SIL1: variants seen among roughly 807,000 people sequenced by gnomAD.
SIL1 encodes nucleotide exchange factor SIL1.
A neutral mutation model predicts 49.1 loss-of-function variants in SIL1; 40 were observed. That is an observed-to-expected ratio of 0.81 (90% CI 0.63 to 1.06). The LOEUF is 1.06. Among genes scored for constraint, SIL1 ranks in the 50% least tolerant of loss-of-function variants. The pLI, the probability that SIL1 is intolerant of heterozygous loss-of-function variation, is 0.00. For synonymous variants in SIL1, 253 were observed against 250.8 expected (o/e 1.01, Z -0.08); for missense variants, 500 against 572.6 (o/e 0.87, Z 1.29).
Position 139,171,260 on chromosome 5 carries a change from G to C in SIL1, c.-11+27009C>G, listed in dbSNP as rs931239095. Among the ~76,000 whole-genome samples the C allele has an allele frequency of 3.3e-4, 50 of 152,206 alleles. No individual in the cohort carries two copies. The South Asian group carries it at 8.7e-3, about 27-fold the overall frequency. The stretch of plus-strand genomic sequence containing the variant: ...AATGGCGGTTTTGTGGAATAGAAAG[G>C]GGGGAAAGGTGGGGAAAAGATTGAG... On this transcript the variant is annotated intron_variant, in intron 1 of 9. Transcript: ENST00000394817.
At chr5:139,111,774 A>G (rs1052370167) in intron 3 of SIL1, among the ~76,000 whole-genome samples, 1 of 152,088 alleles carries the variant, frequency 6.6e-6, no homozygotes, top group African/African-American at 2.4e-5. Flanking sequence ...CTCCCAGCAC[A>G]GCTCCTGGTT....
At chr5:138,992,364 C>G (rs1480745532) in intron 7 of SIL1, among the ~76,000 whole-genome samples, 2 of 152,178 alleles carry the variant, frequency 1.3e-5, no homozygotes, top group African/African-American at 4.8e-5. Context: ...TGAAGTGTAA[C>G]CATCCCATAA....
intron 3 of SIL1, among the ~76,000 whole-genome samples, chr5:139,072,671 C>G (rs902932250): frequency 2.6e-5 from 4 of 152,042 alleles, no homozygotes; most frequent in African/African-American, 9.7e-5. Flanking sequence ...TTAGATTTGA[C>G]CCCTAAAAGC....
chr5:139,021,247 C>T lies in SIL1; in HGVS notation c.691G>A (p.Val231Met), dbSNP rs758357497. ...TCTGTGCTGTTCAGCCCATTGATCA[C>T]CACTTGAAGACCACCAAAGGAAAGC... is the stretch of plus-strand genomic sequence containing the variant. ...DLLSFGGLQV[V>M]INGLNSTEPL... The change falls in exon 7 of 10, where the codon GTG (valine) becomes ATG (methionine). Residue 231 changes from valine (V) to methionine (M), a missense_variant. Physicochemically the swap from Val to Met is conservative, Grantham distance 21 (BLOSUM62 1). Transcript: ENST00000394817. The T allele has an allele frequency of 6.2e-7, 1 of 1,614,148 alleles. No individual in the cohort carries two copies. Among genetic ancestry groups the T allele is most frequent in the Non-Finnish European group, 8.5e-7 (1 of 1,180,022 alleles).
At chr5:139,053,710 T>C in intron 3 of SIL1, among the ~76,000 whole-genome samples, 1 of 152,208 alleles carries the variant, frequency 6.6e-6, no homozygotes, top group East Asian at 1.9e-4. Flanking sequence ...TTCCATCTGC[T>C]GTTCCCTTTG....
intron 1 of SIL1, among the ~76,000 whole-genome samples, chr5:139,188,764 A>G (rs568150383): frequency 6.6e-6 from 1 of 152,366 alleles, no homozygotes; most frequent in South Asian, 2.1e-4. Context: ...AGCAAGAGAT[A>G]AGGAGAACAT....
At chr5:138,953,141 G>A (rs944321870) in intron 7 of SIL1, among the ~76,000 whole-genome samples, 30 of 152,264 alleles carry the variant, frequency 2.0e-4, no homozygotes, top group Admixed American at 8.5e-4. Context: ...GCCTCTGGCT[G>A]CCTGCCCTTG....
intron 2 of SIL1, among the ~76,000 whole-genome samples, chr5:139,121,869 T>C (rs993127682): frequency 2.0e-5 from 3 of 152,246 alleles, no homozygotes; most frequent in Non-Finnish European, 2.9e-5. Context: ...ATGGTGTCTC[T>C]GGAGCATTCT....
At chr5:138,969,091 T>C (rs1199831884) in intron 7 of SIL1, among the ~76,000 whole-genome samples, 5 of 152,256 alleles carry the variant, frequency 3.3e-5, no homozygotes, top group South Asian at 2.1e-4. Flanking sequence ...AGTTTATATA[T>C]ATAAAACCAA....
rs114487490 is a variant in SIL1 at position 139,076,388 on chromosome 5, A to C, written c.245-25342T>G. Among the ~76,000 whole-genome samples, 1,088 of 152,336 alleles carry C rather than the reference A, an allele frequency of 7.1e-3. 6 individuals are homozygous for C. The highest frequency in any genetic ancestry group is 0.012 in the Non-Finnish European group (787 of 68,036). The stretch of plus-strand genomic sequence containing the variant: ...CTATATCAAGTTTTGCAAGGGTAGA[A>C]AACAAGACCATAAATAAACAAATGG... On this transcript the variant is annotated intron_variant, in intron 3 of 9. Coordinates refer to ENST00000394817, the MANE Select transcript of SIL1 (RefSeq NM_022464.5).
At chr5:139,037,670 T>G (rs1191537108) in intron 5 of SIL1, among the ~76,000 whole-genome samples, 1 of 152,228 alleles carries the variant, frequency 6.6e-6, no homozygotes, top group Non-Finnish European at 1.5e-5. Context: ...GTTATTATAT[T>G]GTTCAGTTCT....
intron 7 of SIL1, among the ~76,000 whole-genome samples, chr5:138,957,440 C>T (rs866432581): frequency 3.3e-5 from 5 of 150,688 alleles, no homozygotes; most frequent in Non-Finnish European, 5.9e-5. Flanking sequence ...AAAAAATTGC[C>T]GGGCATGGTG....
intron 2 of SIL1, 133 bp from the exon 3 acceptor site, chr5:139,121,306 CA>C: frequency 8.3e-7 from 1 of 1,211,210 alleles, no homozygotes; most frequent in Non-Finnish European, 1.2e-6. Context: ...TGGACACTCG[CA>C]ATTCCTTTCC....
At chr5:139,171,084 T>C (rs1751752947) in intron 1 of SIL1, among the ~76,000 whole-genome samples, 2 of 146,582 alleles carry the variant, frequency 1.4e-5, no homozygotes, top group Non-Finnish European at 3.0e-5. Flanking sequence ...GGTGGGGGGG[T>C]CAGCCCCCTG....
At chr5:139,087,675 G>A (rs1770253269) in intron 3 of SIL1, among the ~76,000 whole-genome samples, 1 of 152,160 alleles carries the variant, frequency 6.6e-6, no homozygotes, top group Non-Finnish European at 1.5e-5. Context: ...TAAGTTCTGG[G>A]AGAGAAGACA....
intron 7 of SIL1, among the ~76,000 whole-genome samples, chr5:138,982,207 T>C (rs1370475595): frequency 6.6e-6 from 1 of 151,982 alleles, no homozygotes; most frequent in Non-Finnish European, 1.5e-5. Context: ...TGTAACAGAG[T>C]TGAAATTCAG....
chr5:139,129,990 C>T (rs1750828469), intron 1 of SIL1, among the ~76,000 whole-genome samples: 1 of 152,052 alleles, frequency 6.6e-6, no homozygotes, highest in South Asian at 2.1e-4. Context: ...GGTATATTGT[C>T]CAGAATGTGT....
At chr5:139,150,576 T>C (rs1751276810) in intron 1 of SIL1, among the ~76,000 whole-genome samples, 1 of 151,966 alleles carries the variant, frequency 6.6e-6, no homozygotes, top group African/African-American at 2.4e-5. Context: ...AGCAGCAAAA[T>C]GAGGAAGCCA....
intron 1 of SIL1, among the ~76,000 whole-genome samples, chr5:139,152,385 C>A (rs1170399974): frequency 6.6e-6 from 1 of 152,028 alleles, no homozygotes. Context: ...CTTTAGGAGG[C>A]CGAGGCAGGT....
Sources: gnomAD v4.1 joint callset for allele counts (sites outside exome capture counted in the v4.1 genomes callset) on GRCh38, gnomAD v4.1.1 for gene constraint, MANE v1.5 for transcripts, NCBI Gene and HGNC (gene_info 2026-07-23, HGNC 2026-07-21) for gene names.